WDFY3: variants seen among roughly 807,000 people sequenced by gnomAD.
WDFY3 encodes WD repeat and FYVE domain-containing protein 3.
Under a neutral mutation model 409.6 loss-of-function variants are expected in WDFY3, and 66 were observed. That is an observed-to-expected ratio of 0.16 (90% confidence interval 0.13 to 0.20). WDFY3 has a LOEUF of 0.20. Among genes scored for constraint, WDFY3 ranks in the 10% least tolerant of loss-of-function variants. The probability of loss-of-function intolerance (pLI) is 1.00; values close to 1 mark genes in which losing one functional copy is unlikely to be tolerated. For missense variants in WDFY3, 3,031 were observed against 4,298.1 expected, an observed-to-expected ratio of 0.71 and a Z score of 8.24; for synonymous variants, 1,521 against 1,537.1, an observed-to-expected ratio of 0.99 and a Z score of 0.25.
intron 15 of WDFY3, among the ~76,000 whole-genome samples, chr4:84,804,920 G>C (rs1751256963): frequency 1.3e-5 from 2 of 151,940 alleles, no homozygotes; most frequent in African/African-American, 4.8e-5. Flanking sequence ...TTACATCTTT[G>C]GACACTGAAC....
chr4:84,749,373 T>A (rs1056119513), intron 36 of WDFY3, among the ~76,000 whole-genome samples: 2 of 152,200 alleles, frequency 1.3e-5, no homozygotes, highest in Non-Finnish European at 2.9e-5. Context: ...TATTTAAAAG[T>A]AAATTTCTAT....
intron 4 of WDFY3, among the ~76,000 whole-genome samples, chr4:84,856,103 AC>A (rs570595583): frequency 4.7e-4 from 72 of 152,316 alleles, no homozygotes; most frequent in African/African-American, 1.6e-3. Flanking sequence ...TAAAGCTGCC[AC>A]AAAATAATTC....
intron 1 of WDFY3, among the ~76,000 whole-genome samples, chr4:84,964,674 A>C (rs575816464): frequency 6.6e-6 from 1 of 152,090 alleles, no homozygotes. Flanking sequence ...GAGGTGATAC[A>C]AATTTTTTGA....
chr4:84,897,134 G>A (rs994924396), intron 2 of WDFY3, 124 bp from the exon 3 acceptor site: 1 of 152,108 alleles, frequency 6.6e-6, no homozygotes, highest in African/African-American at 2.4e-5. Context: ...TTGGATACTG[G>A]AATCAACTAA....
At chr4:84,827,435 T>C (rs184334963) in intron 9 of WDFY3, among the ~76,000 whole-genome samples, 1 of 152,186 alleles carries the variant, frequency 6.6e-6, no homozygotes, top group African/African-American at 2.4e-5. Context: ...GTATGTGTAC[T>C]TCCACACATT....
rs578239668 is a variant in WDFY3 at position 84,713,058 on chromosome 4, A to G, written c.8042+101T>C. 3 of 1,307,932 alleles carry G rather than the reference A, an allele frequency of 2.3e-6. No individual in the cohort carries two copies. The African/African-American group carries it at 4.5e-5, about 19-fold the overall frequency. 81.0% of individuals were successfully genotyped at this position (1,307,932 alleles called of 1,614,324 possible). A position where few individuals can be genotyped will look rare whatever the true frequency, so the allele number is the denominator to read the frequency against. ...TTTTTTAAAAAAATTTGCAACCACC[A>G]GGGGAAAAACACTCATCTAAAATGT... On this transcript the variant is annotated intron_variant, in intron 51 of 67. Coordinates refer to ENST00000295888, the MANE Select transcript of WDFY3 (RefSeq NM_014991.6).
chr4:84,691,563 T>A (rs1729266121), intron 60 of WDFY3, 68 bp downstream of exon 60: 1 of 1,534,918 alleles, frequency 6.5e-7, no homozygotes, highest in Non-Finnish European at 8.9e-7. Flanking sequence ...CCCAACCCTA[T>A]TAGTCATATA....
intron 8 of WDFY3, among the ~76,000 whole-genome samples, chr4:84,829,810 A>AAAATAAATAAATAAATAAAT (rs201691609): frequency 0.033 from 4,562 of 138,640 alleles, 100 homozygotes; most frequent in African/African-American, 0.046. Flanking sequence ...AGACTGTCTC[A>AAAATAAATAAATAAATAAAT]AAATAAATAA....
chr4:84,797,821 T>G (rs1016600087), intron 18 of WDFY3, among the ~76,000 whole-genome samples, 175 bp downstream of exon 18: 2 of 152,092 alleles, frequency 1.3e-5, no homozygotes, highest in African/African-American at 4.8e-5. Flanking sequence ...TCCGCCCGTC[T>G]CGGCCTCCCA....
chr4:84,909,762 T>C (rs1767522767), intron 2 of WDFY3, among the ~76,000 whole-genome samples: 1 of 152,142 alleles, frequency 6.6e-6, no homozygotes, highest in Admixed American at 6.5e-5. Context: ...GGTCTTTTCA[T>C]TATTGCATTT....
intron 15 of WDFY3, among the ~76,000 whole-genome samples, chr4:84,804,578 CCATTTTT>C (rs1751201207): frequency 6.6e-6 from 1 of 152,138 alleles, no homozygotes; most frequent in Admixed American, 6.5e-5. Flanking sequence ...CTGTATTCTG[CCATTTTT>C]CATTCAAAAA....
chr4:84,692,077 A>G (rs559286216), intron 59 of WDFY3, among the ~76,000 whole-genome samples: 201 of 152,302 alleles, frequency 1.3e-3, no homozygotes, highest in African/African-American at 4.5e-3. Context: ...TGTACAGAGT[A>G]ATCTGGGATG....
In WDFY3 at chr4:84,683,826, C is replaced by CGA; in HGVS notation, c.9726+115_9726+116dup. 2.7e-6 allele frequency: 3 copies of CGA among 1,092,620 alleles called. No homozygotes were observed. In the Middle Eastern group the frequency reaches 8.7e-4, roughly 316 times the overall value. The allele number at this position is 1,092,620 out of a possible 1,614,324, so 67.7% of individuals were successfully genotyped here. ...AGGCCAAGGCCTGTCTGAGCTGGAG[C>CGA]GAGAGTTCACTAAACATTACAACTT... On this transcript the variant is annotated intron_variant, in intron 63 of 67. Transcript: ENST00000295888.
At chr4:84,891,599 A>G (rs1764966624) in intron 3 of WDFY3, among the ~76,000 whole-genome samples, 1 of 152,154 alleles carries the variant, frequency 6.6e-6, no homozygotes, top group South Asian at 2.1e-4. Flanking sequence ...AATATAAGAA[A>G]ATGCCTAAAT....
intron 1 of WDFY3, among the ~76,000 whole-genome samples, chr4:84,943,006 A>T (rs975860171): frequency 3.9e-5 from 6 of 152,154 alleles, no homozygotes; most frequent in Non-Finnish European, 2.9e-5. Flanking sequence ...GTCCAATTAT[A>T]TGTGGATTTT....
intron 6 of WDFY3, among the ~76,000 whole-genome samples, chr4:84,838,101 G>T (rs1756847155): frequency 6.6e-6 from 1 of 152,098 alleles, no homozygotes; most frequent in Non-Finnish European, 1.5e-5. Flanking sequence ...TACATAGGAG[G>T]TTAGGCCATA....
intron 2 of WDFY3, among the ~76,000 whole-genome samples, chr4:84,897,400 G>T (rs1765781847): frequency 6.6e-6 from 1 of 151,866 alleles, no homozygotes; most frequent in African/African-American, 2.4e-5. Flanking sequence ...TTTATTTTTT[G>T]AGACACAGTT....
chr4:84,815,855 A>G (rs1247693631), intron 13 of WDFY3, among the ~76,000 whole-genome samples: 1 of 152,160 alleles, frequency 6.6e-6, no homozygotes, highest in African/African-American at 2.4e-5. Context: ...TTTTAAGGAT[A>G]AAATTTAAGA....
chr4:84,776,513 T>C (rs961235545), intron 27 of WDFY3, among the ~76,000 whole-genome samples: 5 of 152,056 alleles, frequency 3.3e-5, no homozygotes, highest in African/African-American at 9.6e-5. Flanking sequence ...AATCCTTGAT[T>C]TAAATGTGTC....
Sources: allele counts gnomAD v4.1 joint callset (sites outside exome capture counted in the v4.1 genomes callset), GRCh38; gene constraint gnomAD v4.1.1; transcripts MANE v1.5; gene names NCBI Gene and HGNC (gene_info 2026-07-23, HGNC 2026-07-21).